Variants in ERI3 observed in about 807,000 individuals in gnomAD.
ERI3 encodes ERI1 exoribonuclease family member 3.
ERI3 carries 18 observed loss-of-function variants against 44.4 expected under a neutral mutation model. That is an observed-to-expected ratio of 0.41 (90% CI 0.28 to 0.60). ERI3 has a LOEUF of 0.60. Among genes scored for constraint, ERI3 ranks in the 20% least tolerant of loss-of-function variants. The pLI is 0.36. For synonymous variants in ERI3, 183 were observed against 164.8 expected, an observed-to-expected ratio of 1.11 and a Z score of -0.84; for missense variants, 294 against 435.5, an observed-to-expected ratio of 0.68 and a Z score of 2.89.
chr1:44,246,899 C>T (rs78700439), intron 8 of ERI3, among the ~76,000 whole-genome samples: 24 of 152,278 alleles, frequency 1.6e-4, no homozygotes, highest in Admixed American at 7.2e-4. Flanking sequence ...AGTCCCCCCC[C>T]ACAATGATGC....
At chr1:44,224,556 G>A (rs547023471) in intron 8 of ERI3, among the ~76,000 whole-genome samples, 1 of 152,226 alleles carries the variant, frequency 6.6e-6, no homozygotes, top group East Asian at 1.9e-4. Flanking sequence ...TTATTGTGAG[G>A]ACCAAACAAG....
At chr1:44,306,417 G>GT (rs1358085944) in intron 6 of ERI3, among the ~76,000 whole-genome samples, 1 of 152,224 alleles carries the variant, frequency 6.6e-6, no homozygotes, top group Non-Finnish European at 1.5e-5. Context: ...TGCGGATGCG[G>GT]TAAGGTATGC....
intron 8 of ERI3, among the ~76,000 whole-genome samples, chr1:44,231,499 G>A (rs143000345): frequency 0.014 from 2,155 of 152,102 alleles, 31 homozygotes; most frequent in Non-Finnish European, 0.02. Context: ...TCAGCCTCCC[G>A]AGCAGCTGGG....
rs551531327 is a variant in ERI3, at chr1:44,248,952, G to T, written c.832-914C>A. 7.9e-5 allele frequency among the ~76,000 whole-genome samples: 12 copies of T among 152,138 alleles called. No homozygotes were observed. In the South Asian group the frequency reaches 2.5e-3, roughly 32 times the overall value. ...TGGGGGGGGGACACACGGCAGCTCA[G>T]GGGCAGCGCCTTCCCTTACAGTCCC... On this transcript the variant is annotated intron_variant, in intron 7 of 8. Transcript: ENST00000372257.
chr1:44,221,438 C>G lies in ERI3; in HGVS notation c.*120G>C. 1 of 840,606 alleles carries G rather than the reference C, an allele frequency of 1.2e-6. No homozygotes were observed. The highest frequency in any genetic ancestry group is 1.9e-6 in the Non-Finnish European group (1 of 523,786). The allele number at this position is 840,606 out of a possible 1,614,324, so 52.1% of individuals were successfully genotyped here. On this transcript the variant is annotated 3_prime_UTR_variant, in exon 9 of 9. Coordinates refer to ENST00000372257, the MANE Select transcript of ERI3 (RefSeq NM_024066.3). This position sits in a 1 kb window ranked among gnomAD's most constrained non-coding sequence, Gnocchi z 5.9. ...CCAAGGGCATGAGCCCACAGGGCAG[C>G]TGGGGACACTCTGGACACAGAGCTA...
At chr1:44,265,350 G>C (rs1361147021) in intron 7 of ERI3, among the ~76,000 whole-genome samples, 1 of 152,232 alleles carries the variant, frequency 6.6e-6, no homozygotes, top group Admixed American at 6.5e-5. Flanking sequence ...CAGCAGAGTA[G>C]GCTGGGGCTA....
chr1:44,325,256 T>C (rs936422365), intron 3 of ERI3, among the ~76,000 whole-genome samples: 13 of 151,964 alleles, frequency 8.6e-5, no homozygotes, highest in Non-Finnish European at 2.9e-5. Context: ...TTTGTATTTT[T>C]AGTAGAGACA....
intron 3 of ERI3, among the ~76,000 whole-genome samples, chr1:44,327,686 G>A (rs764588438): frequency 1.3e-5 from 2 of 152,200 alleles, no homozygotes; most frequent in Non-Finnish European, 2.9e-5. Context: ...TCAGAACAGC[G>A]TCTACCTCAG....
At chr1:44,281,601 A>AAAATATATATAT (rs1460400186) in intron 7 of ERI3, among the ~76,000 whole-genome samples, 37 of 128,022 alleles carry the variant, frequency 2.9e-4, no homozygotes, top group African/African-American at 1.1e-3. Flanking sequence ...AAAAAAAAAA[A>AAAATATATATAT]ATATATATAT....
At chr1:44,313,114 G>C (rs759187908) in intron 5 of ERI3, 55 bp downstream of exon 5, 4 of 1,469,628 alleles carry the variant, frequency 2.7e-6, no homozygotes, top group Non-Finnish European at 2.9e-6. Flanking sequence ...AGGGGAGGGA[G>C]AGAAAGGCAG....
chr1:44,343,727 A>T (rs1282413386), intron 2 of ERI3, among the ~76,000 whole-genome samples: 1 of 152,176 alleles, frequency 6.6e-6, no homozygotes, highest in Non-Finnish European at 1.5e-5. Flanking sequence ...AGGTTTATAT[A>T]GAGGTTTTAT....
intron 7 of ERI3, among the ~76,000 whole-genome samples, chr1:44,250,049 G>A (rs1460573745): frequency 1.3e-5 from 2 of 152,278 alleles, no homozygotes; most frequent in African/African-American, 4.8e-5. Context: ...TTTAAGTGAT[G>A]TCGGGGAGAA....
intron 7 of ERI3, among the ~76,000 whole-genome samples, chr1:44,266,297 G>A (rs1644989708): frequency 6.6e-6 from 1 of 152,214 alleles, no homozygotes; most frequent in Non-Finnish European, 1.5e-5. Context: ...GGCAGCAAAG[G>A]ACTTCCTAGC....
rs1420505325 is a variant in ERI3 at position 44,252,407 on chromosome 1, C to T, written c.832-4369G>A. 6.6e-6 allele frequency among the ~76,000 whole-genome samples: 1 copy of T among 152,248 alleles called. No homozygotes were observed. Among genetic ancestry groups the T allele is most frequent in the Non-Finnish European group, 1.5e-5 (1 of 68,050 alleles). On this transcript the variant is annotated intron_variant, in intron 7 of 8. Coordinates refer to ENST00000372257, the MANE Select transcript of ERI3 (RefSeq NM_024066.3). This position sits in a 1 kb window ranked among gnomAD's most constrained non-coding sequence, Gnocchi z 4.7. ...TAGCTTAGTGGCCAGCCATCTGCGA[C>T]GGGCCTGCCGCATAGCCCTGCTGTA...
intron 3 of ERI3, among the ~76,000 whole-genome samples, chr1:44,332,762 T>A (rs1168728328): frequency 6.6e-6 from 1 of 152,164 alleles, no homozygotes; most frequent in Non-Finnish European, 1.5e-5. Context: ...GGAGCCATAG[T>A]GGGAGCCAGG....
At chr1:44,317,570 C>A (rs1215694167) in intron 4 of ERI3, among the ~76,000 whole-genome samples, 1 of 152,056 alleles carries the variant, frequency 6.6e-6, no homozygotes, top group African/African-American at 2.4e-5. Flanking sequence ...TGGTAGCAGA[C>A]CCTAATGATG....
At chr1:44,317,240 T>C (rs1296858057) in intron 4 of ERI3, among the ~76,000 whole-genome samples, 1 of 152,112 alleles carries the variant, frequency 6.6e-6, no homozygotes, top group Non-Finnish European at 1.5e-5. Context: ...ATCTGGAGGT[T>C]TGGGACTGTT....
intron 8 of ERI3, among the ~76,000 whole-genome samples, chr1:44,244,901 GC>G (rs1458805416): frequency 1.3e-5 from 2 of 152,140 alleles, no homozygotes; most frequent in Non-Finnish European, 2.9e-5. Context: ...GGAGGACTGA[GC>G]AGACCCTGGA....
chr1:44,314,783 T>C (rs1646050629), intron 4 of ERI3, among the ~76,000 whole-genome samples: 1 of 152,210 alleles, frequency 6.6e-6, no homozygotes, highest in Non-Finnish European at 1.5e-5. Context: ...CTGGGCCGCA[T>C]TACAGGAACT....
Sources: gnomAD v4.1 joint callset for allele counts (sites outside exome capture counted in the v4.1 genomes callset) on GRCh38, gnomAD v4.1.1 for gene constraint, Gnocchi (gnomAD v3.1) non-coding constraint, MANE v1.5 for transcripts, NCBI Gene and HGNC (gene_info 2026-07-23, HGNC 2026-07-21) for gene names.